The following LRP1B variants were observed in gnomAD, a reference collection of about 807,000 sequenced individuals.
The protein encoded by LRP1B is low-density lipoprotein receptor-related protein 1B.
A neutral mutation model predicts 556.6 loss-of-function variants in LRP1B; 217 were observed. That is an observed-to-expected ratio of 0.39 (90% CI 0.35 to 0.44). The LOEUF (loss-of-function observed/expected upper bound fraction) is 0.44, where lower values mean the gene tolerates loss of function less well. Ranked by LOEUF, LRP1B falls within the 20% of genes least tolerant of loss-of-function variation. The pLI is 1.00. For missense variants in LRP1B, 5,053 were observed against 5,620.8 expected (o/e 0.90, Z 3.23); for synonymous variants, 2,047 against 1,865.8 (o/e 1.10, Z -2.50).
rs564424395 is a variant in LRP1B, at chr2:141,941,011, C to G, written c.83-130610G>C. 6.6e-5 allele frequency among the ~76,000 whole-genome samples: 10 copies of G among 152,290 alleles called. No individual in the cohort carries two copies. The South Asian group carries it at 1.9e-3, about 28-fold the overall frequency. ...GAATAACTTGAATTCATGTCAGAAT[C>G]TGATTCCCCAATGCAGTTTTTACAT... On this transcript the variant is annotated intron_variant, in intron 1 of 90. Coordinates refer to ENST00000389484, the MANE Select transcript of LRP1B (RefSeq NM_018557.3).
intron 48 of LRP1B, 51 bp from the exon 49 acceptor site, chr2:140,526,044 T>C (rs778305653): frequency 6.3e-7 from 1 of 1,581,922 alleles, no homozygotes; most frequent in Non-Finnish European, 8.7e-7. Flanking sequence ...TCAAAGATTA[T>C]GAGCCTTCTA....
intron 2 of LRP1B, among the ~76,000 whole-genome samples, chr2:141,609,747 G>T (rs139427801): frequency 6.8e-4 from 104 of 152,100 alleles, no homozygotes; most frequent in African/African-American, 2.5e-3. Context: ...TTTCTTCCAG[G>T]TGCCCACACA....
intron 35 of LRP1B, among the ~76,000 whole-genome samples, chr2:140,766,829 ATATATATATATATAT>A (rs1434070909): frequency 2.5e-3 from 57 of 22,726 alleles, no homozygotes; most frequent in Admixed American, 0.015. Flanking sequence ...TAAAATATAT[ATATATATATATATAT>A]TATATATATA....
chr2:141,985,696 C>T (rs1436840023), intron 1 of LRP1B, among the ~76,000 whole-genome samples: 1 of 151,426 alleles, frequency 6.6e-6, no homozygotes, highest in East Asian at 1.9e-4. Context: ...ATGTATTTAC[C>T]TGTGTAACAT....
At chr2:141,449,740 A>C (rs191632275) in intron 3 of LRP1B, among the ~76,000 whole-genome samples, 5 of 152,340 alleles carry the variant, frequency 3.3e-5, no homozygotes, top group Admixed American at 2.6e-4. Flanking sequence ...GAATAATAAC[A>C]GTTGCAGTGA....
chr2:141,942,522 A>T (rs1700841179), intron 1 of LRP1B, among the ~76,000 whole-genome samples: 1 of 152,102 alleles, frequency 6.6e-6, no homozygotes, highest in African/African-American at 2.4e-5. Context: ...AAAACAAAAA[A>T]CAAACCAACC....
chr2:140,586,030 A>T (rs1681970235), intron 43 of LRP1B, among the ~76,000 whole-genome samples: 1 of 152,228 alleles, frequency 6.6e-6, no homozygotes, highest in African/African-American at 2.4e-5. Flanking sequence ...AAAAAAACTC[A>T]AATAGATGTT....
At chr2:141,142,079 T>C (rs1701667083) in intron 7 of LRP1B, among the ~76,000 whole-genome samples, 1 of 74,334 alleles carries the variant, frequency 1.3e-5, no homozygotes, top group Admixed American at 1.7e-4. Flanking sequence ...GCATCAACAA[T>C]CTGGTATAAC....
At chr2:141,430,879 C>T (rs1680535375) in intron 3 of LRP1B, among the ~76,000 whole-genome samples, 1 of 151,974 alleles carries the variant, frequency 6.6e-6, no homozygotes, top group Admixed American at 6.6e-5. Context: ...CCTGTAATCC[C>T]AGCACTTTGG....
intron 66 of LRP1B, among the ~76,000 whole-genome samples, chr2:140,399,983 CT>C (rs1684423006): frequency 6.6e-6 from 1 of 152,010 alleles, no homozygotes; most frequent in African/African-American, 2.4e-5. Flanking sequence ...GAATACAAAG[CT>C]TTGGTTGGTA....
chr2:141,800,200 T>C (rs1385311374), intron 2 of LRP1B, among the ~76,000 whole-genome samples: 2 of 152,130 alleles, frequency 1.3e-5, no homozygotes, highest in African/African-American at 4.8e-5. Context: ...TATGGCATCA[T>C]GGAAAGCAGG....
At chr2:141,132,322 G>A (rs1320086572) in intron 7 of LRP1B, among the ~76,000 whole-genome samples, 1 of 151,880 alleles carries the variant, frequency 6.6e-6, no homozygotes, top group Non-Finnish European at 1.5e-5. Flanking sequence ...AGACTGACTT[G>A]GTTCTCAGGG....
chr2:141,739,384 A>T (rs1693613679), intron 2 of LRP1B, among the ~76,000 whole-genome samples: 1 of 152,138 alleles, frequency 6.6e-6, no homozygotes, highest in Non-Finnish European at 1.5e-5. Context: ...GCACACAAAG[A>T]TACATCTCTA....
intron 2 of LRP1B, among the ~76,000 whole-genome samples, chr2:141,778,378 C>T (rs990909218): frequency 3.3e-5 from 5 of 152,116 alleles, no homozygotes; most frequent in Non-Finnish European, 4.4e-5. Flanking sequence ...AGCAGATATG[C>T]TTTTGAAATC....
intron 31 of LRP1B, among the ~76,000 whole-genome samples, chr2:140,824,357 A>T (rs1691433134): frequency 1.3e-5 from 2 of 152,036 alleles, no homozygotes; most frequent in South Asian, 4.1e-4. Flanking sequence ...GAAATAAATG[A>T]GGGATTACTG....
intron 2 of LRP1B, among the ~76,000 whole-genome samples, chr2:141,744,686 G>A (rs1693847870): frequency 6.6e-6 from 1 of 152,094 alleles, no homozygotes; most frequent in Non-Finnish European, 1.5e-5. Flanking sequence ...TCCGGGATTG[G>A]ACTCTAGTGC....
At chr2:140,650,058 TAAAG>T (rs892256765) in intron 41 of LRP1B, among the ~76,000 whole-genome samples, 1 of 152,062 alleles carries the variant, frequency 6.6e-6, no homozygotes, top group African/African-American at 2.4e-5. Flanking sequence ...CTTCTGATCA[TAAAG>T]AAATATATAT....
intron 66 of LRP1B, among the ~76,000 whole-genome samples, chr2:140,387,923 G>T (rs946007136): frequency 5.4e-5 from 8 of 149,034 alleles, no homozygotes; most frequent in Admixed American, 6.7e-5. Context: ...TGCATGTGTT[G>T]CTTGTACTTT....
chr2:140,600,383 T>C (rs1682606746), intron 42 of LRP1B, among the ~76,000 whole-genome samples: 1 of 152,124 alleles, frequency 6.6e-6, no homozygotes, highest in Non-Finnish European at 1.5e-5. Flanking sequence ...AATTTTCACA[T>C]ATAAGATGAT....
Sources: allele counts gnomAD v4.1 joint callset (sites outside exome capture counted in the v4.1 genomes callset), GRCh38; gene constraint gnomAD v4.1.1; transcripts MANE v1.5; gene names NCBI Gene and HGNC (gene_info 2026-07-23, HGNC 2026-07-21).